CNTN1: variants seen among roughly 807,000 people sequenced by gnomAD.
CNTN1 encodes contactin-1.
A neutral mutation model predicts 126.4 loss-of-function variants in CNTN1; 38 were observed. The ratio of observed to expected loss-of-function variants is 0.30; its 90% CI spans 0.23 to 0.39. The LOEUF is 0.39. Ranked by LOEUF, CNTN1 falls within the 10% of genes least tolerant of loss-of-function variation. CNTN1 has a pLI of 1.00. For synonymous variants in CNTN1, 413 were observed against 422.6 expected, an observed-to-expected ratio of 0.98 and a Z score of 0.28; for missense variants, 1,009 against 1,248.4, an observed-to-expected ratio of 0.81 and a Z score of 2.89.
At chr12:40,988,825 G>GT (rs1057055907) in intron 16 of CNTN1, among the ~76,000 whole-genome samples, 19 of 152,022 alleles carry the variant, frequency 1.2e-4, no homozygotes, top group Admixed American at 1.0e-3. Context: ...ACAAAGTTTA[G>GT]TTTTTTTTAA....
chr12:40,883,630 C>T (rs1224038520), intron 1 of CNTN1, among the ~76,000 whole-genome samples: 1 of 151,454 alleles, frequency 6.6e-6, no homozygotes, highest in Non-Finnish European at 1.5e-5. Flanking sequence ...AAGATGAACT[C>T]CCCTACAGAG....
At chr12:41,029,795 A>T (rs1288197905) in intron 23 of CNTN1, among the ~76,000 whole-genome samples, 1 of 152,094 alleles carries the variant, frequency 6.6e-6, no homozygotes, top group South Asian at 2.1e-4. Flanking sequence ...ACACTAAATT[A>T]TAGCCCCTTT....
chr12:40,847,244 T>G (rs1031195425), intron 1 of CNTN1, among the ~76,000 whole-genome samples: 1 of 152,180 alleles, frequency 6.6e-6, no homozygotes, highest in African/African-American at 2.4e-5. Flanking sequence ...GGCACCCATT[T>G]TTCTTCAATT....
chr12:40,954,149 A>T (rs921842469), intron 14 of CNTN1, among the ~76,000 whole-genome samples: 1 of 152,060 alleles, frequency 6.6e-6, no homozygotes, highest in Non-Finnish European at 1.5e-5. Context: ...TTAATGAATA[A>T]ATACCAAAAA....
intron 7 of CNTN1, among the ~76,000 whole-genome samples, chr12:40,932,680 C>T (rs1364454994): frequency 1.3e-5 from 2 of 151,844 alleles, no homozygotes; most frequent in Non-Finnish European, 2.9e-5. Context: ...AATTTAAATG[C>T]CATATTTGCC....
chr12:40,720,114 G>A, intron 1 of CNTN1, among the ~76,000 whole-genome samples: 1 of 97,690 alleles, frequency 1.0e-5, no homozygotes, highest in South Asian at 3.8e-4. Flanking sequence ...GCCTCCCAAA[G>A]TGCTGGGATT....
intron 1 of CNTN1, among the ~76,000 whole-genome samples, chr12:40,895,149 TC>T (rs1239990331): frequency 6.6e-6 from 1 of 152,194 alleles, no homozygotes; most frequent in Non-Finnish European, 1.5e-5. Flanking sequence ...AATAGTATAG[TC>T]CATTTTTATA....
intron 23 of CNTN1, among the ~76,000 whole-genome samples, chr12:41,058,123 G>GT (rs1949865365): frequency 6.6e-6 from 1 of 151,996 alleles, no homozygotes; most frequent in Non-Finnish European, 1.5e-5. Flanking sequence ...GGAAAAACAG[G>GT]TAAAGTGAAC....
intron 1 of CNTN1, among the ~76,000 whole-genome samples, chr12:40,877,988 CTTTTTTTTTTTTTTTT>C (rs199626249): frequency 2.7e-5 from 3 of 109,348 alleles, no homozygotes; most frequent in African/African-American, 9.7e-5. Flanking sequence ...CAGTTTTTTC[CTTTTTTTTTTTTTTTT>C]TTTTTTTTTT....
intron 1 of CNTN1, among the ~76,000 whole-genome samples, chr12:40,892,226 C>T (rs911913335): frequency 2.6e-5 from 4 of 151,932 alleles, no homozygotes; most frequent in Admixed American, 6.6e-5. Context: ...AGACTGGATG[C>T]GAATAGCAAA....
chr12:40,714,775 A>G (rs1284008284), intron 1 of CNTN1, among the ~76,000 whole-genome samples: 2 of 152,132 alleles, frequency 1.3e-5, no homozygotes, highest in Non-Finnish European at 2.9e-5. Flanking sequence ...TGTACTATCC[A>G]GTTCCCGAGG....
At chr12:40,898,790 G>GT (rs1944503784) in intron 1 of CNTN1, among the ~76,000 whole-genome samples, 1 of 152,152 alleles carries the variant, frequency 6.6e-6, no homozygotes, top group African/African-American at 2.4e-5. Context: ...GGGTGGTCTC[G>GT]TGTCAGAAGA....
At chr12:41,013,561 C>T (rs1487915912) in intron 17 of CNTN1, among the ~76,000 whole-genome samples, 1 of 151,844 alleles carries the variant, frequency 6.6e-6, no homozygotes, top group African/African-American at 2.4e-5. Context: ...TATATCAGTT[C>T]TTCCATGCAG....
intron 1 of CNTN1, among the ~76,000 whole-genome samples, chr12:40,812,344 T>G (rs754065164): frequency 2.0e-5 from 3 of 152,160 alleles, no homozygotes; most frequent in Non-Finnish European, 2.9e-5. Flanking sequence ...GAGAAGAATA[T>G]GTATTCTGCT....
rs879868596 is a variant in CNTN1, at chr12:40,960,869, G to T, written c.1804+1635G>T. Among the ~76,000 whole-genome samples the T allele has an allele frequency of 6.0e-4, 91 of 152,010 alleles. 1 individual carries two copies. The highest frequency in any genetic ancestry group is 5.5e-3 in the Admixed American group (84 of 15,230). On this transcript the variant is annotated intron_variant, in intron 15 of 23. Transcript: ENST00000551295. ...AGTGTATATTTAATTGAAATTGCTT[G>T]CATATGAAAATAATTAGCATTAATA...
intron 1 of CNTN1, among the ~76,000 whole-genome samples, chr12:40,841,647 C>A (rs1391303881): frequency 6.6e-6 from 1 of 151,526 alleles, no homozygotes; most frequent in Middle Eastern, 3.2e-3. Flanking sequence ...AAAGGTGATA[C>A]ATTACATTAA....
chr12:40,988,264 T>C (rs768006732), intron 16 of CNTN1, among the ~76,000 whole-genome samples: 1 of 152,136 alleles, frequency 6.6e-6, no homozygotes, highest in Non-Finnish European at 1.5e-5. Flanking sequence ...ATTTAGAATC[T>C]CTGAGTGAGT....
At chr12:40,946,692 A>G (rs1211714268) in intron 14 of CNTN1, among the ~76,000 whole-genome samples, 1 of 152,156 alleles carries the variant, frequency 6.6e-6, no homozygotes, top group East Asian at 1.9e-4. Flanking sequence ...GGGAAATCAA[A>G]TTTTAAACTT....
intron 1 of CNTN1, among the ~76,000 whole-genome samples, chr12:40,853,439 GA>G (rs1468180759): frequency 1.3e-5 from 2 of 152,068 alleles, no homozygotes; most frequent in African/African-American, 4.8e-5. Flanking sequence ...AAAAGTTAGT[GA>G]AAGACTCAAC....
Sources: gnomAD v4.1 joint callset for allele counts (sites outside exome capture counted in the v4.1 genomes callset) on GRCh38, gnomAD v4.1.1 for gene constraint, MANE v1.5 for transcripts, NCBI Gene and HGNC (gene_info 2026-07-23, HGNC 2026-07-21) for gene names.